Variants in CDKAL1 observed in about 807,000 individuals in gnomAD.
CDKAL1 encodes threonylcarbamoyladenosine tRNA methylthiotransferase.
Under a neutral mutation model 68.2 loss-of-function variants are expected in CDKAL1, and 32 were observed. The observed-to-expected ratio is 0.47, with a 90% CI of 0.35 to 0.63. The LOEUF (loss-of-function observed/expected upper bound fraction) is 0.63, where lower values mean the gene tolerates loss of function less well. Ranked by LOEUF, CDKAL1 falls within the 30% of genes least tolerant of loss-of-function variation. The probability of loss-of-function intolerance (pLI) is 0.00; values close to 1 mark genes in which losing one functional copy is unlikely to be tolerated. For synonymous variants in CDKAL1, 234 were observed against 244.3 expected (o/e 0.96, Z 0.39); for missense variants, 606 against 696.7 (o/e 0.87, Z 1.47).
At chr6:20,904,567 A>T (rs1433113137) in intron 9 of CDKAL1, among the ~76,000 whole-genome samples, 1 of 152,106 alleles carries the variant, frequency 6.6e-6, no homozygotes, top group Non-Finnish European at 1.5e-5. Context: ...AAGCAGGTGG[A>T]TTACCTGAGG....
rs1437659201 is a variant in CDKAL1 at position 21,065,245 on chromosome 6, G to T, written c.1236+17G>T. The T allele has an allele frequency of 1.9e-6, 3 of 1,589,036 alleles. No homozygotes were observed. Among genetic ancestry groups the T allele is most frequent in the South Asian group, 2.4e-5 (2 of 84,568 alleles). ...GCACAAGTGGTAAGATCTTTTTCTT[G>T]TAAGGTATTGTTTTTTGCCAGTAGC... On this transcript the variant is annotated intron_variant, in intron 12 of 15. Coordinates refer to ENST00000274695, the MANE Select transcript of CDKAL1 (RefSeq NM_017774.3).
chr6:21,221,565 T>A (rs1279239183), intron 15 of CDKAL1, among the ~76,000 whole-genome samples: 1 of 152,188 alleles, frequency 6.6e-6, no homozygotes, highest in Non-Finnish European at 1.5e-5. Flanking sequence ...CTGTACTGCA[T>A]AATGTATGTT....
chr6:20,861,777 C>T (rs916084399), intron 9 of CDKAL1, among the ~76,000 whole-genome samples: 5 of 152,126 alleles, frequency 3.3e-5, no homozygotes, highest in African/African-American at 4.8e-5. Context: ...AGCCCTGAGC[C>T]GCCATTGTCA....
intron 9 of CDKAL1, among the ~76,000 whole-genome samples, chr6:20,912,270 T>C (rs184164196): frequency 4.6e-4 from 70 of 152,338 alleles, no homozygotes; most frequent in African/African-American, 1.6e-3. Flanking sequence ...TTCCTTCATC[T>C]GAACTGGAGT....
At chr6:20,904,045 G>T (rs1435800520) in intron 9 of CDKAL1, among the ~76,000 whole-genome samples, 1 of 152,154 alleles carries the variant, frequency 6.6e-6, no homozygotes, top group East Asian at 1.9e-4. Context: ...CATACACTTG[G>T]TCTAAGAGAA....
chr6:21,171,196 A>G (rs979917100), intron 13 of CDKAL1, among the ~76,000 whole-genome samples: 12 of 152,144 alleles, frequency 7.9e-5, no homozygotes, highest in African/African-American at 2.7e-4. Flanking sequence ...TTACAATGCT[A>G]TCATTATATT....
chr6:20,660,459 G>A (rs10946396), intron 5 of CDKAL1, among the ~76,000 whole-genome samples: 69,055 of 151,754 alleles, frequency 0.46, 17,535 homozygotes, highest in African/African-American at 0.7. Flanking sequence ...TGTATTTGTA[G>A]AAAGGGAAAA....
intron 13 of CDKAL1, among the ~76,000 whole-genome samples, chr6:21,109,657 C>G (rs140124225): frequency 6.6e-6 from 1 of 152,230 alleles, no homozygotes; most frequent in African/African-American, 2.4e-5. Flanking sequence ...ATTGAGAGAG[C>G]CAATAGGGTC....
intron 10 of CDKAL1, among the ~76,000 whole-genome samples, chr6:20,988,292 C>T (rs1345149332): frequency 6.7e-6 from 1 of 150,068 alleles, no homozygotes; most frequent in Admixed American, 6.7e-5. Flanking sequence ...TGCTACCCAC[C>T]CATTGATGAG....
chr6:21,008,664 T>G (rs908952873), intron 11 of CDKAL1, among the ~76,000 whole-genome samples: 1 of 152,212 alleles, frequency 6.6e-6, no homozygotes, highest in Non-Finnish European at 1.5e-5. Flanking sequence ...GGTCCTTTTT[T>G]GACTGCAGCA....
intron 4 of CDKAL1, among the ~76,000 whole-genome samples, chr6:20,636,228 A>G (rs749384337): frequency 6.6e-6 from 1 of 151,916 alleles, no homozygotes; most frequent in Non-Finnish European, 1.5e-5. Flanking sequence ...AATACTCACT[A>G]TGTCGAGGTG....
At chr6:21,149,974 C>CA (rs1174402936) in intron 13 of CDKAL1, among the ~76,000 whole-genome samples, 2 of 152,178 alleles carry the variant, frequency 1.3e-5, no homozygotes, top group Non-Finnish European at 2.9e-5. Context: ...TCTCCTGCCT[C>CA]AGCCTCCCAA....
chr6:21,009,529 G>C (rs1417818607), intron 11 of CDKAL1, among the ~76,000 whole-genome samples: 1 of 152,158 alleles, frequency 6.6e-6, no homozygotes, highest in Non-Finnish European at 1.5e-5. Flanking sequence ...AAGGAAATCA[G>C]TATCAAAGAG....
chr6:20,833,198 C>G (rs954473589), intron 8 of CDKAL1, among the ~76,000 whole-genome samples: 2 of 152,156 alleles, frequency 1.3e-5, no homozygotes, highest in Non-Finnish European at 2.9e-5. Flanking sequence ...TATTCTAGAA[C>G]TGGTTCCAGC....
At chr6:20,622,847 C>T (rs1413804781) in intron 4 of CDKAL1, among the ~76,000 whole-genome samples, 1 of 151,896 alleles carries the variant, frequency 6.6e-6, no homozygotes, top group Non-Finnish European at 1.5e-5. Context: ...GCTATCTTTG[C>T]TGTTATCTAG....
chr6:20,909,926 A>G (rs1414457967), intron 9 of CDKAL1, among the ~76,000 whole-genome samples: 1 of 152,196 alleles, frequency 6.6e-6, no homozygotes, highest in Non-Finnish European at 1.5e-5. Context: ...CAGTCTTACT[A>G]ATACAATGAT....
chr6:20,714,378 CTTTTTTTTTTTTT>C (rs545162371), intron 5 of CDKAL1, among the ~76,000 whole-genome samples: 3 of 72,720 alleles, frequency 4.1e-5, no homozygotes, highest in South Asian at 4.6e-4. Context: ...ATTGTCTGTT[CTTTTTTTTTTTTT>C]TTTTTTTTTT....
intron 12 of CDKAL1, among the ~76,000 whole-genome samples, chr6:21,104,259 A>G (rs1429035414): frequency 6.6e-6 from 1 of 152,186 alleles, no homozygotes; most frequent in African/African-American, 2.4e-5. Context: ...GCTAATTGTT[A>G]TTATGCTTGG....
At chr6:21,065,507 G>T (rs985372566) in intron 12 of CDKAL1, among the ~76,000 whole-genome samples, 2 of 151,924 alleles carry the variant, frequency 1.3e-5, no homozygotes, top group African/African-American at 4.8e-5. Context: ...GTGTGTAGAA[G>T]ATAAACTTTT....
Sources: allele counts gnomAD v4.1 joint callset (sites outside exome capture counted in the v4.1 genomes callset), GRCh38; gene constraint gnomAD v4.1.1; transcripts MANE v1.5; gene names NCBI Gene and HGNC (gene_info 2026-07-23, HGNC 2026-07-21).